Variants in DCDC1 observed in about 807,000 individuals in gnomAD.
DCDC1 encodes doublecortin domain-containing protein 1.
Under a neutral mutation model 178.3 loss-of-function variants are expected in DCDC1, and 200 were observed. That is an observed-to-expected ratio of 1.12 (90% CI 1.00 to 1.26). The LOEUF is 1.26. DCDC1 is among the 50% of genes most tolerant of loss of function. The probability of loss-of-function intolerance (pLI) is 0.00; values close to 1 mark genes in which losing one functional copy is unlikely to be tolerated. For synonymous variants in DCDC1, 690 were observed against 604.8 expected (o/e 1.14, Z -2.07); for missense variants, 1,983 against 1,749.2 (o/e 1.13, Z -2.38).
chr11:30,917,059 A>T (rs773399936), intron 25 of DCDC1, 31 bp from the exon 26 acceptor site: 2 of 1,562,622 alleles, frequency 1.3e-6, no homozygotes, highest in African/African-American at 1.4e-5. Flanking sequence ...ACATAAGTCT[A>T]AGAAATCTCA....
intron 9 of DCDC1, among the ~76,000 whole-genome samples, chr11:31,148,210 TAAAA>T (rs55829692): frequency 3.9e-4 from 37 of 95,674 alleles, no homozygotes; most frequent in Admixed American, 8.0e-4. Context: ...TTTATTATTA[TAAAA>T]AAAAAAAAAA....
intron 1 of DCDC1, among the ~76,000 whole-genome samples, chr11:31,369,320 T>A (rs1206551209): frequency 6.6e-6 from 1 of 152,154 alleles, no homozygotes; most frequent in African/African-American, 2.4e-5. Flanking sequence ...ACGTCGAATA[T>A]CTTCTGCAGA....
rs981554587 is a variant in DCDC1, at chr11:31,137,079, G to C, written c.1314+613C>G. ...AAAAAATTTTTGTTTTTCCTATGTT[G>C]GTAGGTTTTATAACTTCCAGTTTCA... On this transcript the variant is annotated intron_variant, in intron 10 of 38. Transcript: ENST00000684477. Among the ~76,000 whole-genome samples the C allele has an allele frequency of 3.9e-5, 6 of 151,938 alleles. No homozygotes were observed. The East Asian group carries it at 1.2e-3, about 29-fold the overall frequency.
rs777461401 is a variant in DCDC1, at chr11:31,265,536, T to C, written c.1025A>G (p.Tyr342Cys). 21 of 1,451,330 alleles carry C rather than the reference T, an allele frequency of 1.4e-5. No individual in the cohort carries two copies. Among genetic ancestry groups the C allele is most frequent in the African/African-American group, 5.9e-5 (4 of 68,220 alleles). 89.9% of individuals were successfully genotyped at this position (1,451,330 alleles called of 1,614,324 possible). A position where few individuals can be genotyped will look rare whatever the true frequency, so the allele number is the denominator to read the frequency against. ...TGAAATATCTTCAATTTTTCTGCCA[T>C]ACAAATCATAAAAATATCTGGCTGG... ...NLPARYFYDLYGRKIEDISKV... is the reference protein window; with the variant it reads ...NLPARYFYDLCGRKIEDISKV... Residue 342 changes from tyrosine (Y) to cysteine (C), a missense_variant, in exon 8 of 39, where the codon TAT (tyrosine) becomes TGT (cysteine). By Grantham distance (194) the Tyr-to-Cys change is radical. Transcript: ENST00000684477.
chr11:31,081,871 A>T (rs2135583949), intron 17 of DCDC1, among the ~76,000 whole-genome samples: 1 of 152,304 alleles, frequency 6.6e-6, no homozygotes, highest in African/African-American at 2.4e-5. Context: ...ATGAAGTGCC[A>T]CGTTAGGCTG....
chr11:30,942,378 T>C (rs1278610748), intron 21 of DCDC1, among the ~76,000 whole-genome samples: 1 of 152,160 alleles, frequency 6.6e-6, no homozygotes, highest in Non-Finnish European at 1.5e-5. Flanking sequence ...GTTTCAGTCA[T>C]AAAAGATCAT....
intron 20 of DCDC1, among the ~76,000 whole-genome samples, chr11:31,027,177 A>T (rs1387023979): frequency 2.0e-5 from 3 of 151,878 alleles, no homozygotes; most frequent in Admixed American, 2.0e-4. Context: ...AAGATTCAAA[A>T]TATTCAAATT....
intron 36 of DCDC1, chr11:30,883,331 G>T: frequency 4.7e-6 from 1 of 213,378 alleles, no homozygotes. Flanking sequence ...AAAAGGAAAA[G>T]AGACAAAGTG....
chr11:30,934,899 C>T (rs958508155), intron 21 of DCDC1, among the ~76,000 whole-genome samples: 1 of 152,040 alleles, frequency 6.6e-6, no homozygotes, highest in Non-Finnish European at 1.5e-5. Flanking sequence ...TTGTTTTTAC[C>T]CTTTTAGGGT....
intron 28 of DCDC1, among the ~76,000 whole-genome samples, chr11:30,909,845 C>CA (rs1489689760): frequency 6.6e-6 from 1 of 152,034 alleles, no homozygotes; most frequent in African/African-American, 2.4e-5. Flanking sequence ...AAAGTTGGCT[C>CA]AAGTACAAGT....
intron 6 of DCDC1, among the ~76,000 whole-genome samples, chr11:31,298,592 A>T (rs1004731119): frequency 5.3e-5 from 8 of 152,302 alleles, no homozygotes; most frequent in East Asian, 3.9e-4. Flanking sequence ...ATTATATTTT[A>T]TTTGATAGAA....
At chr11:31,240,152 T>C (rs1976938391) in intron 9 of DCDC1, among the ~76,000 whole-genome samples, 1 of 152,014 alleles carries the variant, frequency 6.6e-6, no homozygotes, top group South Asian at 2.1e-4. Flanking sequence ...ATTATTGTAA[T>C]GCAATTAATC....
intron 9 of DCDC1, among the ~76,000 whole-genome samples, chr11:31,139,656 G>A (rs911781577): frequency 2.0e-5 from 3 of 152,150 alleles, no homozygotes; most frequent in African/African-American, 7.2e-5. Flanking sequence ...AGCAGGTGAG[G>A]CCGATGCTAA....
chr11:31,246,218 G>T (rs574514080), intron 8 of DCDC1, among the ~76,000 whole-genome samples: 1 of 151,842 alleles, frequency 6.6e-6, no homozygotes, highest in Non-Finnish European at 1.5e-5. Context: ...ATTAAGTCAC[G>T]CCAATTAAAT....
chr11:31,240,747 T>C (rs775324517), intron 9 of DCDC1, among the ~76,000 whole-genome samples: 3 of 152,054 alleles, frequency 2.0e-5, no homozygotes, highest in Non-Finnish European at 2.9e-5. Context: ...ATTTTTTAAA[T>C]GTGGCAATTC....
chr11:31,341,749 T>C (rs571942808), intron 1 of DCDC1, among the ~76,000 whole-genome samples: 19 of 151,982 alleles, frequency 1.3e-4, no homozygotes, highest in East Asian at 3.9e-4. Context: ...TATAATCTCA[T>C]GGGAGTACCG....
rs61880661 is a variant in DCDC1 at position 30,874,896 on chromosome 11, A to G, written c.*40+3648T>C. On this transcript the variant is annotated intron_variant, in intron 38 of 38. Transcript: ENST00000684477. ...TATCTGCCTGCAAGCCCACAGAGGG[A>G]TACCACAGACAATGAGCAATAGCAC... Among the ~76,000 whole-genome samples, 1,220 of 152,336 alleles carry G rather than the reference A, an allele frequency of 8.0e-3. 8 individuals are homozygous for G. The highest frequency in any genetic ancestry group is 0.012 in the Non-Finnish European group (828 of 68,020).
chr11:31,203,345 T>A (rs1971512665), intron 9 of DCDC1, among the ~76,000 whole-genome samples: 1 of 152,142 alleles, frequency 6.6e-6, no homozygotes, highest in Non-Finnish European at 1.5e-5. Flanking sequence ...AAATATAGTA[T>A]CCAGTCACCC....
intron 1 of DCDC1, among the ~76,000 whole-genome samples, chr11:31,340,291 G>A (rs1468522458): frequency 2.0e-5 from 3 of 152,164 alleles, no homozygotes; most frequent in Non-Finnish European, 4.4e-5. Context: ...CTGGGGCAGT[G>A]AGACCTTGGA....
Sources: gnomAD v4.1 joint callset for allele counts (sites outside exome capture counted in the v4.1 genomes callset) on GRCh38, gnomAD v4.1.1 for gene constraint, MANE v1.5 for transcripts, NCBI Gene and HGNC (gene_info 2026-07-23, HGNC 2026-07-21) for gene names.